ADAMTSL1: variants seen among roughly 807,000 people sequenced by gnomAD.
The protein encoded by ADAMTSL1 is ADAMTS like 1.
In ADAMTSL1, 126 loss-of-function variants were observed where a neutral mutation model predicts 201.8. The observed-to-expected ratio is 0.62, with a 90% CI of 0.54 to 0.72. The LOEUF is 0.72. Ranked by LOEUF, ADAMTSL1 falls within the 30% of genes least tolerant of loss-of-function variation. ADAMTSL1 has a pLI of 0.00. For missense variants in ADAMTSL1, 2,679 were observed against 2,277.8 expected (o/e 1.18, Z -3.59); for synonymous variants, 1,121 against 903.4 (o/e 1.24, Z -4.32).
intron 1 of ADAMTSL1, among the ~76,000 whole-genome samples, chr9:18,056,124 A>G (rs1305658906): frequency 2.6e-5 from 4 of 151,198 alleles, no homozygotes; most frequent in Admixed American, 2.6e-4. Context: ...AGATTTTTAG[A>G]AAGGGTGATT....
intron 2 of ADAMTSL1, among the ~76,000 whole-genome samples, chr9:18,512,280 G>A (rs72688622): frequency 4.3e-3 from 658 of 152,150 alleles, no homozygotes; most frequent in Non-Finnish European, 6.9e-3. Context: ...AGGCAAATGC[G>A]CTAAGGCCAA....
At chr9:18,856,900 G>T (rs140178953) in intron 23 of ADAMTSL1, among the ~76,000 whole-genome samples, 1 of 152,148 alleles carries the variant, frequency 6.6e-6, no homozygotes, top group African/African-American at 2.4e-5. Context: ...TGGAGAAAGG[G>T]GGAAAATTGT....
chr9:18,450,641 C>T (rs1340041), intron 2 of ADAMTSL1, among the ~76,000 whole-genome samples: 35,422 of 151,638 alleles, frequency 0.23, 5,340 homozygotes, highest in Non-Finnish European at 0.33. Context: ...TACACACACA[C>T]CACATAGAAC....
At chr9:18,411,438 A>G (rs936344334) in intron 2 of ADAMTSL1, among the ~76,000 whole-genome samples, 1 of 151,974 alleles carries the variant, frequency 6.6e-6, no homozygotes, top group African/African-American at 2.4e-5. Flanking sequence ...GACTCAAGTG[A>G]TCCACCCACC....
At chr9:18,124,800 A>G (rs1324504254) in intron 1 of ADAMTSL1, among the ~76,000 whole-genome samples, 2 of 152,148 alleles carry the variant, frequency 1.3e-5, no homozygotes, top group Non-Finnish European at 2.9e-5. Context: ...AAGTTCAAAT[A>G]TTTCCTCTTA....
intron 9 of ADAMTSL1, among the ~76,000 whole-genome samples, chr9:18,664,371 C>A (rs915267509): frequency 1.3e-5 from 2 of 151,584 alleles, no homozygotes; most frequent in Non-Finnish European, 3.0e-5. Flanking sequence ...CAGAATCAAA[C>A]CCCCAGGAAG....
Position 18,681,918 on chromosome 9 carries a change from A to C in ADAMTSL1, c.1448A>C (p.Lys483Thr). Residue 483 changes from lysine (K) to threonine (T), a missense_variant, in exon 12 of 29, where the codon AAA (lysine) becomes ACA (threonine). Coordinates refer to ENST00000380548, the MANE Select transcript of ADAMTSL1 (RefSeq NM_001040272.6). ...AGCCCAAAAACAAAGCCCCACATAAAAGAGGAATGCATCGTACCCACTCCC... is the reference window on the plus strand; with the variant it reads ...AGCCCAAAAACAAAGCCCCACATAACAGAGGAATGCATCGTACCCACTCCC... Reference protein sequence around the residue: ...GCSPKTKPHIKEECIVPTPCY... With the variant: ...GCSPKTKPHITEECIVPTPCY... 1 of 1,614,158 alleles carries C rather than the reference A, an allele frequency of 6.2e-7. No homozygotes were observed. Among genetic ancestry groups the C allele is most frequent in the South Asian group, 1.1e-5 (1 of 91,080 alleles).
At chr9:18,098,187 C>T (rs982904084) in intron 1 of ADAMTSL1, among the ~76,000 whole-genome samples, 1 of 151,836 alleles carries the variant, frequency 6.6e-6, no homozygotes, top group Non-Finnish European at 1.5e-5. Flanking sequence ...TATCATTATT[C>T]TAATAATATA....
At chr9:18,482,409 T>C (rs1351375119) in intron 1 of ADAMTSL1, among the ~76,000 whole-genome samples, 1 of 152,224 alleles carries the variant, frequency 6.6e-6, no homozygotes, top group Admixed American at 6.5e-5. Flanking sequence ...CTTTTTCAGA[T>C]TTTTTTCCAA....
intron 1 of ADAMTSL1, among the ~76,000 whole-genome samples, chr9:18,028,958 C>T (rs1269636655): frequency 2.0e-5 from 3 of 152,088 alleles, no homozygotes; most frequent in Admixed American, 6.5e-5. Flanking sequence ...TTGTAGTTCT[C>T]CTTGAAGAGG....
intron 19 of ADAMTSL1, among the ~76,000 whole-genome samples, chr9:18,791,871 G>A (rs1285753060): frequency 1.3e-5 from 2 of 152,142 alleles, no homozygotes; most frequent in East Asian, 1.9e-4. Flanking sequence ...TGTGCCCTCT[G>A]TGATGGATCA....
At chr9:18,346,202 A>T (rs1231043030) in intron 2 of ADAMTSL1, among the ~76,000 whole-genome samples, 4 of 152,150 alleles carry the variant, frequency 2.6e-5, no homozygotes, top group Non-Finnish European at 5.9e-5. Flanking sequence ...CGATGAGGTA[A>T]TCCTAGTGTT....
chr9:18,863,205 G>A (rs1010359372), intron 23 of ADAMTSL1, among the ~76,000 whole-genome samples: 10 of 152,190 alleles, frequency 6.6e-5, no homozygotes, highest in African/African-American at 2.4e-4. Context: ...AAGTCCTAGG[G>A]TATGGGTGAA....
At chr9:18,109,251 T>C (rs1824897243) in intron 1 of ADAMTSL1, among the ~76,000 whole-genome samples, 1 of 152,184 alleles carries the variant, frequency 6.6e-6, no homozygotes, top group African/African-American at 2.4e-5. Context: ...GTGTTCTCTC[T>C]TTCCCTTCCT....
chr9:18,546,058 A>G (rs1316927508), intron 3 of ADAMTSL1, among the ~76,000 whole-genome samples: 1 of 152,218 alleles, frequency 6.6e-6, no homozygotes, highest in Non-Finnish European at 1.5e-5. Context: ...AAGTTTTTGT[A>G]CTATCATTCT....
At chr9:18,671,095 G>A (rs946803118) in intron 9 of ADAMTSL1, among the ~76,000 whole-genome samples, 6 of 152,148 alleles carry the variant, frequency 3.9e-5, no homozygotes, top group African/African-American at 1.2e-4. Context: ...CATTACAGAC[G>A]CAACTATCCA....
At chr9:18,502,828 A>G (rs1334456854) in intron 1 of ADAMTSL1, among the ~76,000 whole-genome samples, 1 of 152,142 alleles carries the variant, frequency 6.6e-6, no homozygotes, top group Admixed American at 6.5e-5. Flanking sequence ...ACGGTGTCTC[A>G]ACTAAACTCA....
intron 2 of ADAMTSL1, among the ~76,000 whole-genome samples, chr9:18,467,188 A>G (rs1587295152): frequency 1.3e-5 from 2 of 152,228 alleles, no homozygotes; most frequent in East Asian, 1.9e-4. Flanking sequence ...CTCTACTTAC[A>G]AACAGGGTAG....
intron 1 of ADAMTSL1, among the ~76,000 whole-genome samples, chr9:18,100,477 T>A (rs537956402): frequency 4.6e-5 from 7 of 152,222 alleles, no homozygotes; most frequent in Non-Finnish European, 1.0e-4. Flanking sequence ...CTAATTTCCC[T>A]GAACTTTCAG....
Sources: gnomAD v4.1 joint callset for allele counts (sites outside exome capture counted in the v4.1 genomes callset) on GRCh38, gnomAD v4.1.1 for gene constraint, MANE v1.5 for transcripts, NCBI Gene and HGNC (gene_info 2026-07-23, HGNC 2026-07-21) for gene names.